The following ITGA4 variants were observed in gnomAD, a reference collection of about 807,000 sequenced individuals.
ITGA4 encodes integrin alpha-4.
Under a neutral mutation model 133.6 loss-of-function variants are expected in ITGA4, and 63 were observed. The observed-to-expected ratio is 0.47, with a 90% CI of 0.38 to 0.58. The LOEUF (loss-of-function observed/expected upper bound fraction) is 0.58, where lower values mean the gene tolerates loss of function less well. ITGA4 is among the 20% of genes least tolerant of loss of function. The probability of loss-of-function intolerance (pLI) is 0.00; values close to 1 mark genes in which losing one functional copy is unlikely to be tolerated. For missense variants in ITGA4, 1,076 were observed against 1,252.7 expected (o/e 0.86, Z 2.13); for synonymous variants, 483 against 438.0 (o/e 1.10, Z -1.28).
rs551728440 is a variant in ITGA4, at chr2:181,477,182, A to C, written c.557-1575A>C. Among the ~76,000 whole-genome samples, 61 of 152,242 alleles carry C rather than the reference A, an allele frequency of 4.0e-4. 1 individual carries two copies. The South Asian group carries it at 6.0e-3, about 15-fold the overall frequency. ...ATCTGCGTGCAAAAGAATGAAATTG[A>C]ACGCTTATCTTAGCAAATATACCAA... On this transcript the variant is annotated intron_variant, in intron 4 of 27. Coordinates refer to ENST00000397033, the MANE Select transcript of ITGA4 (RefSeq NM_000885.6).
At chr2:181,501,699 C>A (rs1686275735) in intron 15 of ITGA4, among the ~76,000 whole-genome samples, 1 of 152,114 alleles carries the variant, frequency 6.6e-6, no homozygotes, top group Non-Finnish European at 1.5e-5. Context: ...TGTGATGACT[C>A]CAGGGTCTTT....
Position 181,516,834 on chromosome 2 carries a change from T to G in ITGA4, c.1922+5059T>G, listed in dbSNP as rs181389406. ...CAAGGAGCAACATCTGCCACCATGC[T>G]GTTAATTCCCGAAAGAGCTAGTGTG... On this transcript the variant is annotated intron_variant, in intron 17 of 27. Transcript: ENST00000397033. The surrounding 1 kb of genome is among the most constrained non-coding windows in gnomAD (Gnocchi z 4.0). Among the ~76,000 whole-genome samples the G allele has an allele frequency of 9.2e-4, 140 of 152,194 alleles. No homozygotes were observed. Among genetic ancestry groups the G allele is most frequent in the African/African-American group, 3.3e-3 (137 of 41,556 alleles).
intron 10 of ITGA4, among the ~76,000 whole-genome samples, chr2:181,489,953 A>T (rs372878496): frequency 1.6e-4 from 24 of 152,170 alleles, no homozygotes; most frequent in Admixed American, 1.3e-4. Context: ...GAGCTCCCCA[A>T]GTGAGCAATT....
intron 3 of ITGA4, 36 bp from the exon 4 acceptor site, chr2:181,475,123 C>T (rs201754311): frequency 3.8e-5 from 61 of 1,613,170 alleles, no homozygotes; most frequent in Admixed American, 3.3e-5. Flanking sequence ...CTGGGTGCAG[C>T]TTTCACATCA....
intron 4 of ITGA4, chr2:181,475,717 G>A (rs17224277): frequency 0.081 from 114,077 of 1,413,816 alleles, 5,290 homozygotes; most frequent in Non-Finnish European, 0.097. Context: ...TCTTTCATTC[G>A]CACTCACTAT....
At chr2:181,458,419 G>T in intron 2 of ITGA4, 102 bp downstream of exon 2, 1 of 1,395,320 alleles carries the variant, frequency 7.2e-7, no homozygotes, top group Non-Finnish European at 9.9e-7. Context: ...TGTTACTTCT[G>T]GTTTAAAGAG....
intron 4 of ITGA4, 56 bp downstream of exon 4, chr2:181,475,344 G>C (rs1021541005): frequency 1.2e-5 from 17 of 1,387,832 alleles, no homozygotes; most frequent in Non-Finnish European, 1.7e-5. Context: ...ATACCTTTTA[G>C]TGTTTTAAAT....
rs1686143279 is a variant in ITGA4, at chr2:181,495,705, CTG to C, written c.1386-77_1386-76del. 7.7e-7 allele frequency: 1 copy of C among 1,300,502 alleles called. No homozygotes were observed. Among genetic ancestry groups the C allele is most frequent in the Non-Finnish European group, 1.1e-6 (1 of 925,614 alleles). The allele number at this position is 1,300,502 out of a possible 1,614,324, so 80.6% of individuals were successfully genotyped here. ...CATGAAATTACTTGGTGAATGTAAACTGAAAAAACAAACGCATTTCTCTCCTT... is the reference window on the plus strand; with the variant it reads ...CATGAAATTACTTGGTGAATGTAAACAAAAAACAAACGCATTTCTCTCCTT... On this transcript the variant is annotated intron_variant, in intron 13 of 27. Transcript: ENST00000397033. This position sits in a 1 kb window ranked among gnomAD's most constrained non-coding sequence, Gnocchi z 4.3.
chr2:181,471,407 T>C (rs903653215), intron 2 of ITGA4, among the ~76,000 whole-genome samples: 2 of 152,204 alleles, frequency 1.3e-5, no homozygotes, highest in Admixed American at 1.3e-4. Flanking sequence ...AATAAATAAA[T>C]GTAGTTAACC....
chr2:181,466,239 C>A (rs1559036844), intron 2 of ITGA4, among the ~76,000 whole-genome samples: 1 of 151,914 alleles, frequency 6.6e-6, no homozygotes, highest in Non-Finnish European at 1.5e-5. Context: ...TAAAGCTTGG[C>A]ACTACTCTCT....
chr2:181,533,070 T>C (rs1484817598), intron 25 of ITGA4, among the ~76,000 whole-genome samples: 1 of 152,168 alleles, frequency 6.6e-6, no homozygotes, highest in Non-Finnish European at 1.5e-5. Context: ...ATTTTAAAAA[T>C]AATGAAATAT....
rs1686124815 is a variant in ITGA4, at chr2:181,494,728, G to C, written c.1255G>C (p.Glu419Gln). 1 of 1,582,256 alleles carries C rather than the reference G, an allele frequency of 6.3e-7. No homozygotes were observed. The highest frequency in any genetic ancestry group is 8.7e-7 in the Non-Finnish European group (1 of 1,151,326). ...GISSTFSQRI[E>Q]GLQISKSLSM... ...CAACTTTCCTATTTTTCAGAGAATT[G>C]AAGGACTTCAGATCAGCAAATCGTT... Residue 419 changes from glutamate to glutamine, a missense_variant, in exon 12 of 28, where the codon GAA (glutamate) becomes CAA (glutamine). Glu to Gln is a conservative substitution (Grantham distance 29). Coordinates refer to ENST00000397033, the MANE Select transcript of ITGA4 (RefSeq NM_000885.6).
At chr2:181,496,779 T>C (rs1339485414) in intron 14 of ITGA4, among the ~76,000 whole-genome samples, 3 of 152,188 alleles carry the variant, frequency 2.0e-5, no homozygotes, top group Non-Finnish European at 2.9e-5. Context: ...GGCATATCAT[T>C]TAGAGATTAA....
intron 9 of ITGA4, among the ~76,000 whole-genome samples, chr2:181,484,532 T>C (rs1003313758): frequency 1.3e-5 from 2 of 152,200 alleles, no homozygotes; most frequent in Non-Finnish European, 2.9e-5. Flanking sequence ...TATCCCTGAC[T>C]CCTTTGAATC....
chr2:181,488,127 T>C (rs1449375989), intron 10 of ITGA4, among the ~76,000 whole-genome samples: 5 of 152,210 alleles, frequency 3.3e-5, no homozygotes, highest in Non-Finnish European at 5.9e-5. Flanking sequence ...CAAATTTGAA[T>C]TATTGTTAGA....
chr2:181,465,969 G>A (rs565932065), intron 2 of ITGA4, among the ~76,000 whole-genome samples: 2 of 152,188 alleles, frequency 1.3e-5, no homozygotes, highest in African/African-American at 4.8e-5. Flanking sequence ...TTAAAACTGT[G>A]GTACGTAGTA....
intron 25 of ITGA4, 82 bp from the exon 26 acceptor site, chr2:181,534,188 CCT>C (rs1687003202): frequency 1.2e-6 from 1 of 817,828 alleles, no homozygotes; most frequent in Non-Finnish European, 2.0e-6. Context: ...ATTGTGAAAA[CCT>C]CTAGCTAGAA....
chr2:181,502,308 A>G (rs1379190679), intron 15 of ITGA4, among the ~76,000 whole-genome samples: 1 of 152,140 alleles, frequency 6.6e-6, no homozygotes, highest in African/African-American at 2.4e-5. Context: ...AGGTGACCAA[A>G]GAAATGGAGC....
At chr2:181,470,045 C>T (rs1277484043) in intron 2 of ITGA4, among the ~76,000 whole-genome samples, 1 of 151,416 alleles carries the variant, frequency 6.6e-6, no homozygotes, top group Non-Finnish European at 1.5e-5. Context: ...GCACATGTAC[C>T]CTGGAACTTA....
Sources: gnomAD v4.1 joint callset for allele counts (sites outside exome capture counted in the v4.1 genomes callset) on GRCh38, gnomAD v4.1.1 for gene constraint, Gnocchi (gnomAD v3.1) non-coding constraint, MANE v1.5 for transcripts, NCBI Gene and HGNC (gene_info 2026-07-23, HGNC 2026-07-21) for gene names.